The following FBXL14 variants were observed in gnomAD, a reference collection of about 807,000 sequenced individuals.
FBXL14 encodes the protein F-box/LRR-repeat protein 14.
A neutral mutation model predicts 24.5 loss-of-function variants in FBXL14; 11 were observed. That is an observed-to-expected ratio of 0.45 (90% CI 0.28 to 0.74). The LOEUF is 0.74. Among genes scored for constraint, FBXL14 ranks in the 30% least tolerant of loss-of-function variants. The pLI is 0.12. For missense variants in FBXL14, 384 were observed against 545.6 expected, an observed-to-expected ratio of 0.70 and a Z score of 2.95; for synonymous variants, 294 against 240.4, an observed-to-expected ratio of 1.22 and a Z score of -2.06.
intron 1 of FBXL14, chr12:1,587,224 T>A (rs1321625766): frequency 8.5e-6 from 1 of 118,186 alleles, no homozygotes; most frequent in African/African-American, 3.5e-5. Flanking sequence ...ACAACAAGAG[T>A]GAAACTCCGT....
chr12:1,581,084 G>A (rs548550072), intron 1 of FBXL14, among the ~76,000 whole-genome samples: 5 of 152,144 alleles, frequency 3.3e-5, no homozygotes, highest in South Asian at 2.1e-4. Context: ...GTGTGGCCAC[G>A]TCGCCTGGAA....
At chr12:1,578,971 C>T (rs1162399434) in intron 1 of FBXL14, among the ~76,000 whole-genome samples, 1 of 151,914 alleles carries the variant, frequency 6.6e-6, no homozygotes, top group Non-Finnish European at 1.5e-5. Context: ...TTTTTCACTC[C>T]TGGAGAAAAG....
At chr12:1,577,589 C>CA (rs1000564663) in intron 1 of FBXL14, among the ~76,000 whole-genome samples, 5 of 152,232 alleles carry the variant, frequency 3.3e-5, no homozygotes, top group African/African-American at 1.2e-4. Flanking sequence ...CTGGAGGAAA[C>CA]AGAGTGCAGA....
chr12:1,570,670 A>G (rs982406244), intron 1 of FBXL14, among the ~76,000 whole-genome samples: 3 of 152,114 alleles, frequency 2.0e-5, no homozygotes, highest in African/African-American at 7.2e-5. Flanking sequence ...AAGGGCAGTC[A>G]AGTTAAGGAC....
intron 1 of FBXL14, among the ~76,000 whole-genome samples, chr12:1,568,105 C>T (rs944662252): frequency 6.6e-6 from 1 of 152,144 alleles, no homozygotes; most frequent in African/African-American, 2.4e-5. Flanking sequence ...TACACCTGGG[C>T]ATATCATTTT....
chr12:1,578,244 C>A (rs56063457), intron 1 of FBXL14, among the ~76,000 whole-genome samples: 1 of 152,314 alleles, frequency 6.6e-6, no homozygotes, highest in South Asian at 2.1e-4. Context: ...CTAACATTTT[C>A]AATGGCCCTG....
At position 1,593,958 on chromosome 12, in the gene FBXL14, C is replaced by G. The variant is rs2094496197; in HGVS notation, c.109G>C (p.Asp37His). The G allele has an allele frequency of 1.3e-6, 2 of 1,590,278 alleles. No individual in the cohort carries two copies. The highest frequency in any genetic ancestry group is 1.7e-6 in the Non-Finnish European group (2 of 1,176,042). ...RAAQVCTAWR[D>H]AAYHKSVWRG... ...CACACCGACTTGTGGTAGGCGGCGT[C>G]CCGCCAGGCGGTGCACACCTGCGCC... Residue 37 changes from aspartate (D) to histidine (H), a missense_variant, in exon 1 of 2, where the codon GAC becomes CAC. Asp to His is a moderately conservative substitution (Grantham distance 81). Coordinates refer to ENST00000339235, the MANE Select transcript of FBXL14 (RefSeq NM_152441.3). The surrounding 1 kb of genome is among the most constrained non-coding windows in gnomAD (Gnocchi z 7.4).
At chr12:1,577,957 C>A (rs1206386523) in intron 1 of FBXL14, among the ~76,000 whole-genome samples, 1 of 152,128 alleles carries the variant, frequency 6.6e-6, no homozygotes, top group African/African-American at 2.4e-5. Context: ...CTGTAGTTAC[C>A]CCACCTAGCG....
At chr12:1,587,329 T>C (rs2094478987) in intron 1 of FBXL14, 1 of 151,882 alleles carries the variant, frequency 6.6e-6, no homozygotes, top group Non-Finnish European at 1.5e-5. Flanking sequence ...ATATGTGCAC[T>C]TTTCTGGGTT....
chr12:1,594,166 G>GCCGCCA lies in FBXL14; in HGVS notation c.-101_-100insTGGCGG. Reference sequence around the variant, plus strand: ...AGAGCGCTTCTCCCCAGCCGCCGCCGCCGCCGCCGCCGCCGCCTCGGGCCC... The same window carrying GCCGCCA: ...AGAGCGCTTCTCCCCAGCCGCCGCCGCCGCCACCGCCGCCGCCGCCGCCTCGGGCCC... On this transcript the variant is annotated 5_prime_UTR_variant, in exon 1 of 2. Transcript: ENST00000339235. 2 of 906,612 alleles carry GCCGCCA rather than the reference G, an allele frequency of 2.2e-6. No individual in the cohort carries two copies. The highest frequency in any genetic ancestry group is 2.8e-6 in the Non-Finnish European group (2 of 708,162). 56.2% of individuals were successfully genotyped at this position (906,612 alleles called of 1,614,324 possible). A position where few individuals can be genotyped will look rare whatever the true frequency, so the allele number is the denominator to read the frequency against.
chr12:1,586,911 T>C (rs1054173036), intron 1 of FBXL14, among the ~76,000 whole-genome samples: 1 of 152,198 alleles, frequency 6.6e-6, no homozygotes, highest in South Asian at 2.1e-4. Flanking sequence ...TCCTTGTAAG[T>C]TTTTTATAAG....
At chr12:1,588,537 C>T (rs35910263) in intron 1 of FBXL14, among the ~76,000 whole-genome samples, 2,688 of 152,208 alleles carry the variant, frequency 0.018, 38 homozygotes, top group Middle Eastern at 0.062. Flanking sequence ...AAGTTAGGGG[C>T]CTAGCTTGGG....
chr12:1,581,608 G>C (rs2094466473), intron 1 of FBXL14, among the ~76,000 whole-genome samples: 1 of 152,160 alleles, frequency 6.6e-6, no homozygotes, highest in Non-Finnish European at 1.5e-5. Context: ...AATGGGGTGT[G>C]GATGAAAACA....
intron 1 of FBXL14, among the ~76,000 whole-genome samples, chr12:1,573,542 G>C (rs1186242013): frequency 1.3e-5 from 2 of 152,218 alleles, no homozygotes; most frequent in East Asian, 3.9e-4. Context: ...TGCGGGGCCA[G>C]AAGTGCCGAT....
chr12:1,579,033 A>G lies in FBXL14; in HGVS notation c.1195-12223T>C, dbSNP rs2094461246. Among the ~76,000 whole-genome samples the G allele has an allele frequency of 6.6e-6, 1 of 151,966 alleles. No individual in the cohort carries two copies. On this transcript the variant is annotated intron_variant, in intron 1 of 1. Coordinates refer to ENST00000339235, the MANE Select transcript of FBXL14 (RefSeq NM_152441.3). This position sits in a 1 kb window ranked among gnomAD's most constrained non-coding sequence, Gnocchi z 4.3. The stretch of plus-strand genomic sequence containing the variant: ...GCAGGTGTGCCTCAGCGAGCCTGTC[A>G]TTATCTGGGGAGGGGGCTCCAGATA...
chr12:1,588,343 G>A (rs533174528), intron 1 of FBXL14, among the ~76,000 whole-genome samples: 37 of 152,286 alleles, frequency 2.4e-4, no homozygotes, highest in African/African-American at 8.9e-4. Context: ...GCTAGGCCAT[G>A]CTTTAATTTA....
intron 1 of FBXL14, among the ~76,000 whole-genome samples, chr12:1,589,235 C>CAA (rs34818174): frequency 0.69 from 86,424 of 125,854 alleles, 30,511 homozygotes; most frequent in Non-Finnish European, 0.78. Flanking sequence ...AAAAAAAATA[C>CAA]AAAAAAAAAA....
chr12:1,581,445 A>G (rs947614203), intron 1 of FBXL14, among the ~76,000 whole-genome samples: 2 of 152,140 alleles, frequency 1.3e-5, no homozygotes, highest in African/African-American at 4.8e-5. Flanking sequence ...GGAGCACAGA[A>G]ACTGGAGTCA....
At chr12:1,585,354 T>A (rs1271647285) in intron 1 of FBXL14, among the ~76,000 whole-genome samples, 1 of 149,980 alleles carries the variant, frequency 6.7e-6, no homozygotes, top group Non-Finnish European at 1.5e-5. Context: ...GCCAAGATTG[T>A]GCCACTGTAC....
Sources: gnomAD v4.1 joint callset for allele counts (sites outside exome capture counted in the v4.1 genomes callset) on GRCh38, gnomAD v4.1.1 for gene constraint, Gnocchi (gnomAD v3.1) non-coding constraint, MANE v1.5 for transcripts, NCBI Gene and HGNC (gene_info 2026-07-23, HGNC 2026-07-21) for gene names.